CECR2: variants seen among roughly 807,000 people sequenced by gnomAD.
CECR2 encodes CECR2 histone acetyl-lysine reader, also known as chromatin remodeling regulator CECR2.
A neutral mutation model predicts 154.5 loss-of-function variants in CECR2; 30 were observed. The ratio of observed to expected loss-of-function variants is 0.19; its 90% confidence interval spans 0.15 to 0.26. The LOEUF (loss-of-function observed/expected upper bound fraction) is 0.26. Ranked by LOEUF, CECR2 falls within the 10% of genes least tolerant of loss-of-function variation. The pLI is 1.00. For missense variants in CECR2, 1,743 were observed against 1,829.3 expected (o/e 0.95, Z 0.86); for synonymous variants, 725 against 683.7 (o/e 1.06, Z -0.94).
intron 1 of CECR2, among the ~76,000 whole-genome samples, 185 bp downstream of exon 1, chr22:17,370,094 G>T (rs1370401916): frequency 6.6e-6 from 1 of 151,184 alleles, no homozygotes; most frequent in African/African-American, 2.4e-5. Flanking sequence ...GTGCCCGGGT[G>T]CCGAGGGGCG....
At chr22:17,398,450 G>T (rs929653372) in intron 1 of CECR2, among the ~76,000 whole-genome samples, 12 of 152,326 alleles carry the variant, frequency 7.9e-5, no homozygotes, top group Admixed American at 2.6e-4. Context: ...GAGTTATGCA[G>T]TAGACAGTTG....
rs867269423 is a variant in CECR2 at position 17,421,572 on chromosome 22, G to A, written c.126+51663G>A. On this transcript the variant is annotated intron_variant, in intron 1 of 18. Coordinates refer to ENST00000262608, the MANE Select transcript of CECR2 (RefSeq NM_001290047.2). ...GGAGCTTGCAGTGAGCCGAGATCCC[G>A]CCACTGCACTCCAGCCTGGGCGACA... 1.5e-3 allele frequency among the ~76,000 whole-genome samples: 170 copies of A among 110,420 alleles called. 3 individuals are homozygous for A. Among genetic ancestry groups the A allele is most frequent in the South Asian group, 1.6e-3 (5 of 3,038 alleles). The allele number at this position is 110,420 out of a possible 152,430, so 72.4% of individuals were successfully genotyped here. A position where few individuals can be genotyped will look rare whatever the true frequency, so the allele number is the denominator to read the frequency against.
chr22:17,434,279 G>A (rs373593134), intron 1 of CECR2, among the ~76,000 whole-genome samples: 19 of 152,334 alleles, frequency 1.2e-4, no homozygotes, highest in South Asian at 1.2e-3. Context: ...GAACGAAGGC[G>A]AGGAAGGATC....
At chr22:17,534,176 C>T (rs2056401843) in intron 9 of CECR2, among the ~76,000 whole-genome samples, 1 of 152,026 alleles carries the variant, frequency 6.6e-6, no homozygotes, top group Non-Finnish European at 1.5e-5. Context: ...TTTTCAGAAA[C>T]AGTGCCAGGC....
At chr22:17,386,235 G>A (rs2063259310) in intron 1 of CECR2, among the ~76,000 whole-genome samples, 2 of 152,184 alleles carry the variant, frequency 1.3e-5, no homozygotes, top group Admixed American at 1.3e-4. Flanking sequence ...TCGGAGAAGG[G>A]ATTTGAGTTA....
chr22:17,509,588 C>T (rs1037925945), intron 7 of CECR2, among the ~76,000 whole-genome samples: 4 of 152,018 alleles, frequency 2.6e-5, no homozygotes, highest in African/African-American at 7.2e-5. Flanking sequence ...ACCACCACGC[C>T]CAGTTAATTT....
rs965222485 is a variant in CECR2, at chr22:17,557,658, T to C, written c.*4818T>C. ...CAGTTGATTGTCCTTGCTTGTGTTG[T>C]TGACAGGGGTGGGTGGGGTGGGAGC... is the stretch of plus-strand genomic sequence containing the variant. On this transcript the variant is annotated 3_prime_UTR_variant, in exon 19 of 19. Coordinates refer to ENST00000262608, the MANE Select transcript of CECR2 (RefSeq NM_001290047.2). 2.7e-5 allele frequency: 3 copies of C among 112,796 alleles called. No homozygotes were observed. The highest frequency in any genetic ancestry group is 1.0e-4 in the African/African-American group (3 of 29,188). 7.0% of individuals were successfully genotyped at this position (112,796 alleles called of 1,614,324 possible).
intron 9 of CECR2, among the ~76,000 whole-genome samples, chr22:17,528,076 A>T (rs1326440265): frequency 6.6e-6 from 1 of 152,248 alleles, no homozygotes; most frequent in African/African-American, 2.4e-5. Context: ...AAAGAAAGGA[A>T]ATCAATATAT....
intron 12 of CECR2, 42 bp downstream of exon 12, chr22:17,538,773 A>G (rs763803874): frequency 2.0e-6 from 3 of 1,520,972 alleles, no homozygotes; most frequent in Non-Finnish European, 2.7e-6. Flanking sequence ...TAGTGTGTAT[A>G]TCTTTCTTGG....
chr22:17,439,731 C>G (rs2054556284), intron 1 of CECR2, among the ~76,000 whole-genome samples: 1 of 152,096 alleles, frequency 6.6e-6, no homozygotes, highest in Non-Finnish European at 1.5e-5. Flanking sequence ...TCCAGTAATG[C>G]CAGTCCTGGA....
At chr22:17,489,229 G>A (rs536590968) in intron 2 of CECR2, among the ~76,000 whole-genome samples, 1 of 152,294 alleles carries the variant, frequency 6.6e-6, no homozygotes, top group African/African-American at 2.4e-5. Context: ...CACCTCGCCC[G>A]GCCTAGTTAC....
intron 1 of CECR2, among the ~76,000 whole-genome samples, chr22:17,473,824 C>T (rs2055166929): frequency 1.3e-5 from 2 of 152,324 alleles, no homozygotes; most frequent in South Asian, 2.1e-4. Context: ...CAAATGCCAG[C>T]CGCATATCTG....
At chr22:17,477,937 C>T (rs748983471) in intron 2 of CECR2, among the ~76,000 whole-genome samples, 3 of 152,184 alleles carry the variant, frequency 2.0e-5, no homozygotes, top group Non-Finnish European at 4.4e-5. Flanking sequence ...CCCCAGCTAA[C>T]ATATTTTAGT....
At chr22:17,451,481 T>A (rs1354789806) in intron 1 of CECR2, among the ~76,000 whole-genome samples, 1 of 152,140 alleles carries the variant, frequency 6.6e-6, no homozygotes, top group Non-Finnish European at 1.5e-5. Context: ...GCAATCTCAT[T>A]TTAGTGCCTC....
intron 1 of CECR2, among the ~76,000 whole-genome samples, chr22:17,371,029 G>GT (rs2063054483): frequency 1.3e-5 from 2 of 152,114 alleles, no homozygotes; most frequent in South Asian, 4.1e-4. Flanking sequence ...AGAGCAAATC[G>GT]TTGTTGTTGC....
chr22:17,466,292 G>C (rs576265918), intron 1 of CECR2, among the ~76,000 whole-genome samples: 1 of 150,550 alleles, frequency 6.6e-6, no homozygotes, highest in African/African-American at 2.5e-5. Context: ...TATTGATTGA[G>C]GTTGGTTTCA....
rs796451304 is a variant in CECR2 at position 17,361,762 on chromosome 22, G to A, written c.-364+1739G>A. On this transcript the variant is annotated intron_variant, in intron 1 of 18. Transcript: ENST00000400585. The stretch of plus-strand genomic sequence containing the variant: ...TATCTCAAATTAAAAAAAAAAAAAA[G>A]AGAGAGAGAGTGACTGGTGTTTTCT... Among the ~76,000 whole-genome samples the A allele has an allele frequency of 4.0e-3, 603 of 150,428 alleles. 5 individuals are homozygous for A. The highest frequency in any genetic ancestry group is 0.014 in the African/African-American group (579 of 40,848).
At chr22:17,547,875 G>T (rs763115474) in intron 16 of CECR2, among the ~76,000 whole-genome samples, 1 of 152,226 alleles carries the variant, frequency 6.6e-6, no homozygotes, top group African/African-American at 2.4e-5. Context: ...CTTACGAATC[G>T]GGCAACCCAC....
intron 1 of CECR2, among the ~76,000 whole-genome samples, chr22:17,386,519 TAATC>T (rs1387491209): frequency 1.3e-5 from 2 of 152,186 alleles, no homozygotes; most frequent in Non-Finnish European, 1.5e-5. Context: ...TTTATACCAG[TAATC>T]AATCCCCTTC....
Sources: gnomAD v4.1 joint callset for allele counts (sites outside exome capture counted in the v4.1 genomes callset) on GRCh38, gnomAD v4.1.1 for gene constraint, MANE v1.5 for transcripts, NCBI Gene and HGNC (gene_info 2026-07-23, HGNC 2026-07-21) for gene names.